ZNF232: variants seen among roughly 807,000 people sequenced by gnomAD.
ZNF232 encodes the protein zinc finger and SCAN domain-containing protein 11.
In ZNF232, 25 loss-of-function variants were observed where a neutral mutation model predicts 25.2. The ratio of observed to expected loss-of-function variants is 0.99; its 90% CI spans 0.72 to 1.39. The LOEUF is 1.39. Among genes scored for constraint, ZNF232 ranks in the 40% most tolerant of loss-of-function variants. ZNF232 has a pLI of 0.00. For missense variants in ZNF232, 519 were observed against 520.9 expected (o/e 1.00, Z 0.04); for synonymous variants, 193 against 182.9 (o/e 1.06, Z -0.45).
upstream of ZNF232, chr17:5,112,159 G>T (rs2143633352): frequency 2.3e-6 from 1 of 429,992 alleles, no homozygotes. Context: ...GTCTCTTGTG[G>T]AATTGTACCT....
chr17:5,120,567 G>A (rs1212483753), intron 1 of ZNF232: 2 of 353,230 alleles, frequency 5.7e-6, no homozygotes, highest in African/African-American at 4.3e-5. Context: ...AAAGAAGGCA[G>A]GCCCCAGGGT....
chr17:5,120,770 G>A, intron 1 of ZNF232: 1 of 445,916 alleles, frequency 2.2e-6, no homozygotes, highest in South Asian at 1.6e-5. Context: ...AGGATGCCAA[G>A]GGCTGTTTCT....
At chr17:5,114,631 A>G (rs1597938074), upstream of ZNF232, 1 of 152,438 alleles carries the variant, frequency 6.6e-6, no homozygotes, top group South Asian at 2.1e-4. Context: ...GGAGTTCGAG[A>G]CCAGCCTGGC....
At chr17:5,120,318 C>T (rs1272762016) in intron 1 of ZNF232, among the ~76,000 whole-genome samples, 3 of 151,902 alleles carry the variant, frequency 2.0e-5, no homozygotes, top group Non-Finnish European at 4.4e-5. Context: ...TGAGTGAGGT[C>T]GCCTGTGGTC....
At chr17:5,115,372 T>C (rs2072505762), upstream of ZNF232, among the ~76,000 whole-genome samples, 1 of 151,868 alleles carries the variant, frequency 6.6e-6, no homozygotes. Context: ...GCCAACATGG[T>C]GAAACCCTCT....
At chr17:5,109,074 T>A (rs1235642053) in intron 2 of ZNF232, 22 bp from the exon 3 acceptor site, 1 of 1,613,604 alleles carries the variant, frequency 6.2e-7, no homozygotes, top group Non-Finnish European at 8.5e-7. Context: ...CAGGCACCAC[T>A]CAGTTTAAAT....
chr17:5,117,243 C>T (rs984969387), intron 1 of ZNF232, among the ~76,000 whole-genome samples: 3 of 152,138 alleles, frequency 2.0e-5, no homozygotes, highest in South Asian at 2.1e-4. Flanking sequence ...TAAGCCTGGG[C>T]GAGGGGGCTC....
At chr17:5,109,951 A>G in intron 1 of ZNF232, 83 bp from the exon 2 acceptor site, 15 of 1,340,640 alleles carry the variant, frequency 1.1e-5, no homozygotes, top group Non-Finnish European at 1.4e-5. Context: ...GTGCAGTGAC[A>G]TGATCTCAGC....
intron 1 of ZNF232, among the ~76,000 whole-genome samples, chr17:5,121,129 G>A (rs566327529): frequency 2.6e-4 from 39 of 152,304 alleles, no homozygotes; most frequent in Admixed American, 1.6e-3. Context: ...AGCAATAGGT[G>A]CAAAAGAATA....
upstream of ZNF232, chr17:5,112,035 G>T: frequency 2.9e-6 from 2 of 699,914 alleles, no homozygotes; most frequent in South Asian, 1.9e-5. Flanking sequence ...AGAGCGCGCC[G>T]CCTGCACGAC....
At chr17:5,115,057 T>G (rs1303815575), upstream of ZNF232, 1 of 152,012 alleles carries the variant, frequency 6.6e-6, no homozygotes, top group Non-Finnish European at 1.5e-5. Context: ...AGAGGAAAAC[T>G]GGGGGCTGAT....
chr17:5,114,044 T>C (rs1337245599), upstream of ZNF232: 1 of 152,248 alleles, frequency 6.6e-6, no homozygotes, highest in Non-Finnish European at 1.5e-5. Context: ...CTGAATCAGA[T>C]GAAAATTGCT....
intron 2 of ZNF232, 78 bp downstream of exon 2, chr17:5,109,315 CT>C (rs1380090630): frequency 1.3e-6 from 2 of 1,556,170 alleles, no homozygotes; most frequent in Admixed American, 1.7e-5. Flanking sequence ...AACTTGGCAC[CT>C]CCCCCTACAG....
At chr17:5,118,114 A>C (rs1189099889) in intron 1 of ZNF232, 5 of 151,832 alleles carry the variant, frequency 3.3e-5, no homozygotes, top group Admixed American at 1.3e-4. Context: ...TTGGCAGATT[A>C]CTGGCTAGCA....
chr17:5,107,983 G>A (rs1449027973), intron 3 of ZNF232, among the ~76,000 whole-genome samples: 1 of 151,950 alleles, frequency 6.6e-6, no homozygotes, highest in Admixed American at 6.6e-5. Context: ...TAAATGAATA[G>A]AGGCTTACTA....
At chr17:5,111,842 G>A, upstream of ZNF232, 2 of 1,613,732 alleles carry the variant, frequency 1.2e-6, no homozygotes, top group Non-Finnish European at 1.7e-6. Context: ...GCCGCGAATC[G>A]CGCCACTTAC....
chr17:5,118,385 C>A (rs964438255), intron 1 of ZNF232: 7 of 152,506 alleles, frequency 4.6e-5, no homozygotes, highest in African/African-American at 1.7e-4. Context: ...CATGAGCAAA[C>A]GACTGCAGGA....
chr17:5,112,008 C>T (rs1164116520), upstream of ZNF232: 1 of 872,782 alleles, frequency 1.1e-6, no homozygotes, highest in Non-Finnish European at 1.7e-6. Flanking sequence ...GGTTCCTGGA[C>T]TTGAGCGGAG....
exon 4 of ZNF232, chr17:5,105,957 T>C (rs760818334): frequency 6.2e-6 from 10 of 1,614,230 alleles, no homozygotes; most frequent in East Asian, 2.2e-5. Context: ...CTGACTTAGA[T>C]ATGAGCTTTG....
Sources: gnomAD v4.1 joint callset for allele counts (sites outside exome capture counted in the v4.1 genomes callset) on GRCh38, gnomAD v4.1.1 for gene constraint, MANE v1.5 for transcripts, NCBI Gene and HGNC (gene_info 2026-07-23, HGNC 2026-07-21) for gene names.